The following TEX264 variants were observed in gnomAD, a reference collection of about 807,000 sequenced individuals.
The protein encoded by TEX264 is testis expressed 264, ER-phagy receptor.
TEX264 carries 13 observed loss-of-function variants against 23.4 expected under a neutral mutation model. The ratio of observed to expected loss-of-function variants is 0.56; its 90% CI spans 0.36 to 0.88. TEX264 has a LOEUF of 0.88. Ranked by LOEUF, TEX264 falls within the 40% of genes least tolerant of loss-of-function variation. The pLI, the probability that TEX264 is intolerant of heterozygous loss-of-function variation, is 0.01. For missense variants in TEX264, 340 were observed against 406.8 expected, an observed-to-expected ratio of 0.84 and a Z score of 1.41; for synonymous variants, 159 against 170.0, an observed-to-expected ratio of 0.94 and a Z score of 0.50.
Position 51,687,786 on chromosome 3 carries a change from G to A in TEX264, c.480+3152G>A, listed in dbSNP as rs577579848. On this transcript the variant is annotated intron_variant, in intron 3 of 4. Coordinates refer to ENST00000341333, the MANE Select transcript of TEX264 (RefSeq NM_015926.6). Reference sequence around the variant, plus strand: ...GGAGGTGGAGAGCAGCTGCTGTCCCGGGAGTTGCAGATGTGCCTGAGCCTG... The same window carrying A: ...GGAGGTGGAGAGCAGCTGCTGTCCCAGGAGTTGCAGATGTGCCTGAGCCTG... Among the ~76,000 whole-genome samples the A allele has an allele frequency of 3.3e-5, 5 of 152,248 alleles. No homozygotes were observed. In the East Asian group the frequency reaches 7.7e-4, roughly 24 times the overall value.
chr3:51,701,132 G>A (rs1294076165), intron 4 of TEX264, among the ~76,000 whole-genome samples: 1 of 152,188 alleles, frequency 6.6e-6, no homozygotes, highest in Non-Finnish European at 1.5e-5. Flanking sequence ...GCTGTGGGCA[G>A]AGCGAGAGGG....
At chr3:51,695,895 A>G (rs1219609906) in intron 3 of TEX264, among the ~76,000 whole-genome samples, 1 of 152,124 alleles carries the variant, frequency 6.6e-6, no homozygotes, top group African/African-American at 2.4e-5. Flanking sequence ...AAATTCCTGC[A>G]TCATGGGTGG....
intron 1 of TEX264, among the ~76,000 whole-genome samples, chr3:51,672,878 A>G (rs771183921): frequency 2.9e-4 from 44 of 152,236 alleles, no homozygotes; most frequent in Non-Finnish European, 6.2e-4. Context: ...ATTTCTCATC[A>G]TTATCAAAGA....
chr3:51,674,588 C>G, intron 2 of TEX264, 26 bp downstream of exon 2: 1 of 1,608,224 alleles, frequency 6.2e-7, no homozygotes, highest in African/African-American at 1.3e-5. Flanking sequence ...GGGGTTCTGC[C>G]CCATGGATGG....
chr3:51,701,712 A>G (rs959353360), intron 4 of TEX264, among the ~76,000 whole-genome samples: 1 of 151,886 alleles, frequency 6.6e-6, no homozygotes. Context: ...GCTCACTGCA[A>G]CCTCCACCTC....
At chr3:51,680,869 G>A (rs1165171463) in intron 2 of TEX264, among the ~76,000 whole-genome samples, 1 of 152,226 alleles carries the variant, frequency 6.6e-6, no homozygotes, top group African/African-American at 2.4e-5. Context: ...GCCTTAGTAG[G>A]CCTTTTCCCT....
chr3:51,703,417 G>A lies in TEX264; in HGVS notation c.650-307G>A, dbSNP rs1290231340. Reference sequence around the variant, plus strand: ...GTGGCCCTTAATAAATGTGGGGGGAGGGCAGCAGGCTTTGTGGAAGTGCAG... The same window carrying A: ...GTGGCCCTTAATAAATGTGGGGGGAAGGCAGCAGGCTTTGTGGAAGTGCAG... On this transcript the variant is annotated intron_variant, in intron 4 of 4. Transcript: ENST00000341333. This position sits in a 1 kb window ranked among gnomAD's most constrained non-coding sequence, Gnocchi z 4.8. 6.6e-6 allele frequency among the ~76,000 whole-genome samples: 1 copy of A among 152,164 alleles called. No homozygotes were observed. Among genetic ancestry groups the A allele is most frequent in the East Asian group, 1.9e-4 (1 of 5,184 alleles).
At chr3:51,677,451 C>A (rs554970904) in intron 2 of TEX264, among the ~76,000 whole-genome samples, 1 of 152,306 alleles carries the variant, frequency 6.6e-6, no homozygotes, top group African/African-American at 2.4e-5. Flanking sequence ...CAGTGTCCCA[C>A]CCCCACTGTG....
intron 3 of TEX264, 87 bp from the exon 4 acceptor site, chr3:51,699,319 G>A: frequency 7.1e-7 from 1 of 1,415,970 alleles, no homozygotes; most frequent in East Asian, 2.3e-5. Context: ...GACAGAATAG[G>A]TAATAGACAG....
At chr3:51,687,046 C>T (rs917039908) in intron 3 of TEX264, among the ~76,000 whole-genome samples, 30 of 152,216 alleles carry the variant, frequency 2.0e-4, no homozygotes, top group African/African-American at 6.5e-4. Flanking sequence ...CTCCTTCCTC[C>T]CCGCTCCCAT....
In TEX264 at chr3:51,674,576, A is replaced by G. The variant is rs1463048633; in HGVS notation, c.258+14A>G. On this transcript the variant is annotated intron_variant, in intron 2 of 4. Coordinates refer to ENST00000341333, the MANE Select transcript of TEX264 (RefSeq NM_015926.6). Reference sequence around the variant, plus strand: ...AACCCCCACATGGTAAGGAGTCTCCATGGGGTTCTGCCCCATGGATGGGCC... The same window carrying G: ...AACCCCCACATGGTAAGGAGTCTCCGTGGGGTTCTGCCCCATGGATGGGCC... 4.3e-6 allele frequency: 7 copies of G among 1,612,476 alleles called. No homozygotes were observed. The highest frequency in any genetic ancestry group is 8.5e-7 in the Non-Finnish European group (1 of 1,178,934).
chr3:51,673,971 A>C (rs1398328272), intron 1 of TEX264, among the ~76,000 whole-genome samples: 1 of 151,526 alleles, frequency 6.6e-6, no homozygotes, highest in Non-Finnish European at 1.5e-5. Flanking sequence ...TGGCTGAATC[A>C]CTCCTGTGCC....
chr3:51,673,710 T>G (rs1378196523), intron 1 of TEX264, among the ~76,000 whole-genome samples: 5 of 152,224 alleles, frequency 3.3e-5, no homozygotes, highest in Non-Finnish European at 7.3e-5. Context: ...GGAGAGTTTC[T>G]TATGAAATTC....
intron 2 of TEX264, chr3:51,683,877 G>C (rs1294791652): frequency 6.2e-6 from 1 of 160,486 alleles, no homozygotes; most frequent in Non-Finnish European, 1.4e-5. Flanking sequence ...CCTCAGTTTT[G>C]CTCCCTTGCC....
At chr3:51,694,696 C>T (rs1702989701) in intron 3 of TEX264, 1 of 152,484 alleles carries the variant, frequency 6.6e-6, no homozygotes, top group South Asian at 2.1e-4. Flanking sequence ...CCTGCTTCCT[C>T]TTTTCCCTCC....
intron 3 of TEX264, among the ~76,000 whole-genome samples, chr3:51,694,046 CCTCCCTT>C (rs1559680665): frequency 3.5e-4 from 41 of 117,512 alleles, no homozygotes; most frequent in African/African-American, 1.3e-3. Flanking sequence ...TTCCTTCCTT[CCTCCCTT>C]CCCTTCCCTT....
At chr3:51,672,208 AG>A (rs1394359832) in intron 1 of TEX264, 2 of 152,284 alleles carry the variant, frequency 1.3e-5, no homozygotes, top group Non-Finnish European at 2.9e-5. Context: ...TTTCCTGGGC[AG>A]GGGTGACTGT....
intron 3 of TEX264, among the ~76,000 whole-genome samples, chr3:51,685,014 A>G: frequency 6.6e-6 from 1 of 152,230 alleles, no homozygotes; most frequent in East Asian, 1.9e-4. Flanking sequence ...TGAGGCTCCC[A>G]GTGTCTGGGC....
intron 1 of TEX264, among the ~76,000 whole-genome samples, chr3:51,673,073 C>G (rs931727168): frequency 1.3e-5 from 2 of 152,124 alleles, no homozygotes; most frequent in Non-Finnish European, 2.9e-5. Flanking sequence ...ACTCCAAAGA[C>G]AATTTTTTTT....
Sources: allele counts gnomAD v4.1 joint callset (sites outside exome capture counted in the v4.1 genomes callset), GRCh38; gene constraint gnomAD v4.1.1; non-coding constraint Gnocchi (gnomAD v3.1); transcripts MANE v1.5; gene names NCBI Gene and HGNC (gene_info 2026-07-23, HGNC 2026-07-21).